Variants in PRKAG2 observed in about 807,000 individuals in gnomAD.
The protein encoded by PRKAG2 is protein kinase AMP-activated non-catalytic subunit gamma 2.
In PRKAG2, 26 loss-of-function variants were observed where a neutral mutation model predicts 69.6. The ratio of observed to expected loss-of-function variants is 0.37; its 90% CI spans 0.27 to 0.52. The LOEUF (loss-of-function observed/expected upper bound fraction) is 0.52. Ranked by LOEUF, PRKAG2 falls within the 20% of genes least tolerant of loss-of-function variation. PRKAG2 has a pLI of 0.90. For synonymous variants in PRKAG2, 293 were observed against 285.0 expected (o/e 1.03, Z -0.28); for missense variants, 557 against 740.0 (o/e 0.75, Z 2.87).
intron 3 of PRKAG2, among the ~76,000 whole-genome samples, chr7:151,736,709 A>C (rs1413721503): frequency 6.6e-6 from 1 of 152,200 alleles, no homozygotes; most frequent in Admixed American, 6.5e-5. Flanking sequence ...GGTTCCACTC[A>C]ATGAAAGCAG....
In PRKAG2 at chr7:151,788,760, A is replaced by G. The variant is rs919168248; in HGVS notation, c.115-2219T>C. Among the ~76,000 whole-genome samples the G allele has an allele frequency of 2.6e-5, 4 of 152,196 alleles. No homozygotes were observed. The highest frequency in any genetic ancestry group is 6.5e-5 in the Admixed American group (1 of 15,282). On this transcript the variant is annotated intron_variant, in intron 1 of 15. Coordinates refer to ENST00000287878, the MANE Select transcript of PRKAG2 (RefSeq NM_016203.4). This position sits in a 1 kb window ranked among gnomAD's most constrained non-coding sequence, Gnocchi z 4.6. ...AGCTTTTCCCGTATGTTTTCTTCTA[A>G]GAGTTTTATATTTTATGGTTTTAGC...
chr7:151,704,968 C>A (rs1404627241), intron 3 of PRKAG2, among the ~76,000 whole-genome samples: 1 of 152,190 alleles, frequency 6.6e-6, no homozygotes, highest in Non-Finnish European at 1.5e-5. Context: ...CTAGCCTCAG[C>A]AACGGGAATA....
intron 15 of PRKAG2, chr7:151,559,817 A>C (rs1029148028): frequency 4.1e-6 from 4 of 984,938 alleles, no homozygotes; most frequent in Non-Finnish European, 4.8e-6. Flanking sequence ...TTCATATTTG[A>C]CTGGGGCTGG....
intron 5 of PRKAG2, among the ~76,000 whole-genome samples, chr7:151,630,101 T>A (rs1277507304): frequency 6.6e-6 from 1 of 152,182 alleles, no homozygotes; most frequent in East Asian, 1.9e-4. Context: ...GGGTTATTCG[T>A]GGGATTCGGT....
intron 3 of PRKAG2, among the ~76,000 whole-genome samples, chr7:151,774,668 G>A (rs1040386249): frequency 6.6e-6 from 1 of 152,122 alleles, no homozygotes. Context: ...TTAGCCAGGT[G>A]TGGTGGCGGG....
intron 5 of PRKAG2, among the ~76,000 whole-genome samples, chr7:151,629,248 C>T (rs1365037177): frequency 3.9e-5 from 6 of 152,148 alleles, no homozygotes; most frequent in African/African-American, 1.2e-4. Context: ...AAAAGTTGGC[C>T]GGCCCATGTC....
At chr7:151,744,829 G>A (rs1385547812) in intron 3 of PRKAG2, among the ~76,000 whole-genome samples, 1 of 152,176 alleles carries the variant, frequency 6.6e-6, no homozygotes, top group Non-Finnish European at 1.5e-5. Context: ...AGCAGGGCAG[G>A]GGGAACCCTA....
rs1469125088 is a variant in PRKAG2 at position 151,632,174 on chromosome 7, C to T, written c.685-36G>A. 2 of 1,281,258 alleles carry T rather than the reference C, an allele frequency of 1.6e-6. No individual in the cohort carries two copies. The highest frequency in any genetic ancestry group is 1.0e-6 in the Non-Finnish European group (1 of 1,003,828). The allele number at this position is 1,281,258 out of a possible 1,614,324, so 79.4% of individuals were successfully genotyped here. Reference sequence around the variant, plus strand: ...GGAGGAGGACAGCGATCAGCATGAGCTGCGACGCTCGTCCCCGGCCGGCGG... The same window carrying T: ...GGAGGAGGACAGCGATCAGCATGAGTTGCGACGCTCGTCCCCGGCCGGCGG... On this transcript the variant is annotated intron_variant, in intron 4 of 15. Transcript: ENST00000287878. This position sits in a 1 kb window ranked among gnomAD's most constrained non-coding sequence, Gnocchi z 4.2.
At chr7:151,798,390 C>T (rs1327790181) in intron 1 of PRKAG2, among the ~76,000 whole-genome samples, 1 of 152,106 alleles carries the variant, frequency 6.6e-6, no homozygotes, top group Non-Finnish European at 1.5e-5. Context: ...TCTTGGCTCA[C>T]TTCAACCTCC....
chr7:151,786,407 G>C, intron 2 of PRKAG2, 63 bp downstream of exon 2: 1 of 1,476,784 alleles, frequency 6.8e-7, no homozygotes, highest in Non-Finnish European at 9.3e-7. Context: ...GTGGGCTCAG[G>C]CTCTGCCTGC....
chr7:151,700,693 CTG>C (rs1653812184), intron 3 of PRKAG2, among the ~76,000 whole-genome samples: 1 of 152,186 alleles, frequency 6.6e-6, no homozygotes, highest in South Asian at 2.1e-4. Flanking sequence ...TGGGAGAAGA[CTG>C]GGGCTATCTC....
chr7:151,655,537 C>A (rs59509707), intron 4 of PRKAG2, among the ~76,000 whole-genome samples: 2,038 of 152,196 alleles, frequency 0.013, 46 homozygotes, highest in African/African-American at 0.047. Flanking sequence ...TGGGCTTAAC[C>A]CTGGCTTGAG....
intron 3 of PRKAG2, among the ~76,000 whole-genome samples, chr7:151,678,053 T>C (rs1833235484): frequency 6.6e-6 from 1 of 152,150 alleles, no homozygotes; most frequent in Non-Finnish European, 1.5e-5. Context: ...TCCCCAGGCA[T>C]CTCTGCTGGG....
chr7:151,820,654 C>T (rs13309576), intron 1 of PRKAG2, among the ~76,000 whole-genome samples: 8 of 139,820 alleles, frequency 5.7e-5, no homozygotes, highest in African/African-American at 1.5e-4. Flanking sequence ...CTCTGAACAC[C>T]GCTCCGTGGT....
intron 4 of PRKAG2, among the ~76,000 whole-genome samples, chr7:151,653,609 A>G (rs973118817): frequency 6.6e-6 from 1 of 152,172 alleles, no homozygotes; most frequent in Admixed American, 6.5e-5. Context: ...TGTGAGTCTG[A>G]GGCGGGCCGA....
At chr7:151,751,678 T>C (rs1480677999) in intron 3 of PRKAG2, among the ~76,000 whole-genome samples, 1 of 68,482 alleles carries the variant, frequency 1.5e-5, no homozygotes, top group Non-Finnish European at 3.0e-5. Flanking sequence ...GCTATTTTTG[T>C]TTGTTTGTTT....
chr7:151,823,543 G>C (rs75808206), intron 1 of PRKAG2, among the ~76,000 whole-genome samples: 17,328 of 151,318 alleles, frequency 0.11, 1,155 homozygotes, highest in East Asian at 0.25. Context: ...AGATCCCAAG[G>C]AGATGGAACC....
intron 2 of PRKAG2, among the ~76,000 whole-genome samples, chr7:151,782,726 T>C (rs1030702760): frequency 1.1e-4 from 17 of 152,092 alleles, no homozygotes; most frequent in Admixed American, 5.2e-4. Flanking sequence ...CCCTCATCTG[T>C]AAAATGAGGA....
chr7:151,855,876 G>A (rs2151901855), intron 1 of PRKAG2, among the ~76,000 whole-genome samples: 1 of 152,344 alleles, frequency 6.6e-6, no homozygotes, highest in African/African-American at 2.4e-5. Flanking sequence ...ATGATGCTAT[G>A]TGCACCCTGT....
Sources: gnomAD v4.1 joint callset for allele counts (sites outside exome capture counted in the v4.1 genomes callset) on GRCh38, gnomAD v4.1.1 for gene constraint, Gnocchi (gnomAD v3.1) non-coding constraint, MANE v1.5 for transcripts, NCBI Gene and HGNC (gene_info 2026-07-23, HGNC 2026-07-21) for gene names.